Variants in GTF2IRD2 observed in about 807,000 individuals in gnomAD.
GTF2IRD2 encodes GTF2I repeat domain containing 2.
Under a neutral mutation model 49.2 loss-of-function variants are expected in GTF2IRD2, and 8 were observed. That is an observed-to-expected ratio of 0.16 (90% CI 0.10 to 0.29). The LOEUF (loss-of-function observed/expected upper bound fraction) is 0.29, where lower values mean the gene tolerates loss of function less well. GTF2IRD2 is among the 10% of genes least tolerant of loss of function. The probability of loss-of-function intolerance (pLI) is 1.00; values close to 1 mark genes in which losing one functional copy is unlikely to be tolerated. For synonymous variants in GTF2IRD2, 47 were observed against 289.7 expected (o/e 0.16, Z 8.51); for missense variants, 130 against 725.7 (o/e 0.18, Z 9.43).
rs1421288376 is a variant in GTF2IRD2, at chr7:74,826,027, C to T, written c.239-975G>A. Among the ~76,000 whole-genome samples, 6 of 151,666 alleles carry T rather than the reference C, an allele frequency of 4.0e-5. No individual in the cohort carries two copies. In the East Asian group the frequency reaches 5.9e-4, roughly 15 times the overall value. On this transcript the variant is annotated intron_variant, in intron 3 of 15. Transcript: ENST00000451013. ...GTCTCGATCTCCTGACCTCGTGATC[C>T]GCCTGCCTCGGCCTCCCAAAGTGCT...
chr7:74,839,218 G>A (rs1554421336), intron 1 of GTF2IRD2, among the ~76,000 whole-genome samples: 1 of 33,284 alleles, frequency 3.0e-5, no homozygotes, highest in Non-Finnish European at 4.8e-5. Context: ...GTGAGCCACC[G>A]CGCCCAGCCG....
rs587736151 is a variant in GTF2IRD2, at chr7:74,822,785, C to T, written c.381G>A (p.Val127=). 61 of 1,539,672 alleles carry T rather than the reference C, an allele frequency of 4.0e-5. 2 individuals carry two copies. Among genetic ancestry groups the T allele is most frequent in the Non-Finnish European group, 4.9e-5 (56 of 1,142,094 alleles). ...FCYGKALGTT[V]MVPVPYEKML... is the part of the protein sequence containing the mutation. ...TCTTCTCATAGGGAACAGGCACCAT[C>T]ACTGTTGTCCCTAAGGCTTTACCTA... is the stretch of plus-strand genomic sequence containing the variant. The change falls in exon 5 of 16, where the codon GTG becomes GTA. Residue 127 remains valine (V), a synonymous_variant. Transcript: ENST00000451013.
intron 6 of GTF2IRD2, chr7:74,822,032 T>G (rs1798934553): frequency 1.1e-5 from 4 of 347,968 alleles, no homozygotes; most frequent in Non-Finnish European, 2.2e-5. Flanking sequence ...TTCCCTCCCC[T>G]CACCCAAATT....
At chr7:74,819,028 A>G (rs1482256814) in intron 8 of GTF2IRD2, 1 of 169,742 alleles carries the variant, frequency 5.9e-6, no homozygotes, top group Admixed American at 5.5e-5. Context: ...GGGCTCAAGC[A>G]ATTCTCATGC....
intron 15 of GTF2IRD2, among the ~76,000 whole-genome samples, chr7:74,798,507 T>G (rs1280610065): frequency 3.3e-5 from 5 of 151,614 alleles, no homozygotes; most frequent in African/African-American, 2.4e-5. Flanking sequence ...GAAGACTGAA[T>G]TTTTGTTGTC....
chr7:74,825,875 ACTG>A (rs1173320650), intron 3 of GTF2IRD2, among the ~76,000 whole-genome samples: 5 of 146,194 alleles, frequency 3.4e-5, no homozygotes, highest in Admixed American at 2.9e-4. Context: ...TTCTCCACTC[ACTG>A]CAAGTTCTGC....
Position 74,840,057 on chromosome 7 carries a change from G to A in GTF2IRD2, c.-5-3674C>T, listed in dbSNP as rs1212447043. ...CCCAAGGGGCACCCCTGGTGATGAA[G>A]GTCCTATGTCTTTTTTTTTTTTTTT... is the stretch of plus-strand genomic sequence containing the variant. On this transcript the variant is annotated intron_variant, in intron 1 of 15. Transcript: ENST00000451013. 3.6e-5 allele frequency among the ~76,000 whole-genome samples: 5 copies of A among 140,402 alleles called. 1 individual carries two copies. The highest frequency in any genetic ancestry group is 3.0e-4 in the Admixed American group (4 of 13,346). 92.1% of individuals were successfully genotyped at this position (140,402 alleles called of 152,430 possible). A position where few individuals can be genotyped will look rare whatever the true frequency, so the allele number is the denominator to read the frequency against.
chr7:74,836,889 CTTTT>C (rs1221581416), intron 1 of GTF2IRD2, among the ~76,000 whole-genome samples: 1 of 130,794 alleles, frequency 7.6e-6, no homozygotes, highest in African/African-American at 3.1e-5. Flanking sequence ...TTCTTTCTTT[CTTTT>C]TTTTTTGAGA....
chr7:74,823,049 T>G, intron 4 of GTF2IRD2, among the ~76,000 whole-genome samples: 2 of 106,758 alleles, frequency 1.9e-5, no homozygotes, highest in Admixed American at 9.8e-5. Context: ...GCTAATTTCT[T>G]TTGTATTTTA....
intron 4 of GTF2IRD2, among the ~76,000 whole-genome samples, chr7:74,823,102 C>T (rs1294472985): frequency 9.9e-5 from 10 of 101,324 alleles, no homozygotes; most frequent in African/African-American, 2.6e-4. Context: ...TGGTCTCGAA[C>T]GGCTGAGCTC....
intron 3 of GTF2IRD2, among the ~76,000 whole-genome samples, chr7:74,825,982 T>C (rs2131735935): frequency 6.6e-6 from 1 of 151,824 alleles, no homozygotes; most frequent in Non-Finnish European, 1.5e-5. Context: ...TTGTATTTTT[T>C]AGTAGAGATG....
intron 3 of GTF2IRD2, among the ~76,000 whole-genome samples, chr7:74,825,630 C>G (rs1431258395): frequency 1.4e-5 from 2 of 147,584 alleles, no homozygotes; most frequent in African/African-American, 5.0e-5. Context: ...TACCCCTGAA[C>G]CCATTCAAGA....
intron 3 of GTF2IRD2, among the ~76,000 whole-genome samples, chr7:74,829,895 A>AAAAAAAAAAAC: frequency 5.7e-5 from 2 of 35,290 alleles, no homozygotes; most frequent in Middle Eastern, 0.014. Context: ...CTCAAAAAAA[A>AAAAAAAAAAAC]AAAAAAATTC....
At chr7:74,829,396 CAA>C (rs71288130) in intron 3 of GTF2IRD2, among the ~76,000 whole-genome samples, 2 of 20,358 alleles carry the variant, frequency 9.8e-5, no homozygotes, top group Non-Finnish European at 1.7e-4. Context: ...CTCTGTCTCT[CAA>C]AAAAAAAAAA....
At chr7:74,809,875 C>G (rs1798020897) in intron 10 of GTF2IRD2, among the ~76,000 whole-genome samples, 1 of 98,144 alleles carries the variant, frequency 1.0e-5, no homozygotes. Context: ...CTCACTGCAG[C>G]CTCCGCCTCC....
intron 8 of GTF2IRD2, chr7:74,818,667 C>T (rs1414905740): frequency 7.0e-6 from 1 of 143,600 alleles, no homozygotes; most frequent in Non-Finnish European, 1.5e-5. Flanking sequence ...CCAGGCTGGT[C>T]TTGAACTCCA....
At chr7:74,813,746 G>T (rs1324694100) in intron 8 of GTF2IRD2, among the ~76,000 whole-genome samples, 1 of 134,308 alleles carries the variant, frequency 7.4e-6, no homozygotes, top group Non-Finnish European at 1.6e-5. Context: ...CAGTAAAGAC[G>T]GGGTTTCACC....
intron 15 of GTF2IRD2, among the ~76,000 whole-genome samples, chr7:74,800,399 G>T (rs1584384307): frequency 9.2e-6 from 1 of 109,122 alleles, no homozygotes; most frequent in Non-Finnish European, 1.8e-5. Flanking sequence ...TTCTAGTAGA[G>T]ACGGAGTTTC....
intron 3 of GTF2IRD2, among the ~76,000 whole-genome samples, chr7:74,829,905 C>A (rs1327887616): frequency 1.1e-5 from 1 of 90,960 alleles, no homozygotes. Flanking sequence ...AAAAAAAATT[C>A]ATATGGAACA....
Sources: gnomAD v4.1 joint callset for allele counts (sites outside exome capture counted in the v4.1 genomes callset) on GRCh38, gnomAD v4.1.1 for gene constraint, MANE v1.5 for transcripts, NCBI Gene and HGNC (gene_info 2026-07-23, HGNC 2026-07-21) for gene names.